HERC6: variants seen among roughly 807,000 people sequenced by gnomAD.
HERC6 encodes the protein probable E3 ubiquitin-protein ligase HERC6.
HERC6 carries 101 observed loss-of-function variants against 114.5 expected under a neutral mutation model. That is an observed-to-expected ratio of 0.88 (90% CI 0.75 to 1.04). HERC6 has a LOEUF of 1.04. Among genes scored for constraint, HERC6 ranks in the 50% least tolerant of loss-of-function variants. The pLI, the probability that HERC6 is intolerant of heterozygous loss-of-function variation, is 0.00. For synonymous variants in HERC6, 408 were observed against 436.2 expected, an observed-to-expected ratio of 0.94 and a Z score of 0.81; for missense variants, 1,133 against 1,230.9, an observed-to-expected ratio of 0.92 and a Z score of 1.19.
Position 88,413,180 on chromosome 4 carries a change from T to C in HERC6, c.1472T>C (p.Met491Thr). The C allele has an allele frequency of 6.2e-7, 1 of 1,613,564 alleles. No homozygotes were observed. Among genetic ancestry groups the C allele is most frequent in the South Asian group, 1.1e-5 (1 of 91,054 alleles). Reference sequence around the variant, plus strand: ...CTCCTGCTCCCAGAATGTCCTGTGATGCATGATTCTAAGAACTGGAAGAAC... The same window carrying C: ...CTCCTGCTCCCAGAATGTCCTGTGACGCATGATTCTAAGAACTGGAAGAAC... ...VFLLLPECPVMHDSKNWKNLV... is the reference protein window; with the variant it reads ...VFLLLPECPVTHDSKNWKNLV... Residue 491 changes from methionine (M) to threonine (T), a missense_variant, in exon 12 of 23, where the codon ATG (methionine) becomes ACG (threonine). Met to Thr is a moderately conservative substitution (Grantham distance 81). This residue lies in a region of HERC6 where 735 missense variants were observed against 754.0 expected (regional missense o/e 0.97). Transcript: ENST00000264346.
chr4:88,428,620 T>C lies in HERC6; in HGVS notation c.1976T>C (p.Ile659Thr). Residue 659 changes from isoleucine to threonine, a missense_variant, in exon 16 of 23, where the codon ATT (isoleucine) becomes ACT (threonine). Ile to Thr is a moderately conservative substitution (Grantham distance 89, BLOSUM62 -1). Around this residue, in one of 3 missense-constraint regions of HERC6, gnomAD observed 388 missense variants for 445.9 expected, o/e 0.87. Transcript: ENST00000264346. ...KKAYMLMHET[I>T]LQKKDEFPPS... ...GCATACATGCTTATGCATGAAACAATTCTGCAAAAAAAGGATGAATTTCCT... is the reference window on the plus strand; with the variant it reads ...GCATACATGCTTATGCATGAAACAACTCTGCAAAAAAAGGATGAATTTCCT... 1 of 1,608,704 alleles carries C rather than the reference T, an allele frequency of 6.2e-7. No homozygotes were observed. The highest frequency in any genetic ancestry group is 8.5e-7 in the Non-Finnish European group (1 of 1,178,050).
At chr4:88,437,935 T>A (rs1027353435) in intron 20 of HERC6, among the ~76,000 whole-genome samples, 154 bp downstream of exon 20, 3 of 152,142 alleles carry the variant, frequency 2.0e-5, no homozygotes, top group Admixed American at 6.5e-5. Context: ...GGTCAGGAGT[T>A]CAAGGCCAAC....
chr4:88,430,603 A>AATAC (rs1200607723), intron 16 of HERC6, among the ~76,000 whole-genome samples: 1 of 151,650 alleles, frequency 6.6e-6, no homozygotes, highest in Non-Finnish European at 1.5e-5. Context: ...TAAATAAATA[A>AATAC]ATAAATAAAA....
intron 6 of HERC6, 89 bp from the exon 7 acceptor site, chr4:88,396,762 G>T: frequency 8.0e-7 from 1 of 1,253,216 alleles, no homozygotes; most frequent in Admixed American, 2.8e-5. Context: ...TGGGCTTTTT[G>T]TGTTTGTTAT....
intron 13 of HERC6, among the ~76,000 whole-genome samples, chr4:88,420,765 C>G (rs1338386406): frequency 6.6e-6 from 1 of 152,022 alleles, no homozygotes; most frequent in Non-Finnish European, 1.5e-5. Context: ...GACCTTGTCT[C>G]TATTTTTTTA....
intron 1 of HERC6, among the ~76,000 whole-genome samples, chr4:88,382,877 G>A (rs1734389324): frequency 6.6e-6 from 1 of 152,152 alleles, no homozygotes; most frequent in Non-Finnish European, 1.5e-5. Context: ...GGTGGTTTCT[G>A]ATTGGTTAAC....
At chr4:88,428,825 C>T in intron 16 of HERC6, 75 bp downstream of exon 16, 6 of 1,233,598 alleles carry the variant, frequency 4.9e-6, no homozygotes, top group Non-Finnish European at 6.5e-6. Context: ...CAAATGCTCT[C>T]TGAAAAGAGC....
Position 88,390,861 on chromosome 4 carries a change from A to C in HERC6, c.646A>C (p.Ser216Arg). 1.7e-5 allele frequency: 28 copies of C among 1,613,242 alleles called. No homozygotes were observed. Among genetic ancestry groups the C allele is most frequent in the Non-Finnish European group, 2.4e-5 (28 of 1,179,370 alleles). The change falls in exon 4 of 23, where the codon AGT becomes CGT. Residue 216 changes from serine to arginine, a missense_variant. Physicochemically the swap from Ser to Arg is moderately radical, Grantham distance 110. This residue lies in a region of HERC6 where 735 missense variants were observed against 754.0 expected (regional missense o/e 0.97). Transcript: ENST00000264346. ...TAACAGTGCCGGGCAGCTGGCCCTCAGTGGGCGTAATGTCCCAGGTAAGGA... is the reference window on the plus strand; with the variant it reads ...TAACAGTGCCGGGCAGCTGGCCCTCCGTGGGCGTAATGTCCCAGGTAAGGA... ...GSNSAGQLAL[S>R]GRNVPVQSNK...
chr4:88,407,022 G>T (rs1365672603), intron 10 of HERC6, among the ~76,000 whole-genome samples: 2 of 152,002 alleles, frequency 1.3e-5, no homozygotes, highest in Non-Finnish European at 2.9e-5. Context: ...GCCTCCCAAA[G>T]TGCTGGGATT....
intron 5 of HERC6, among the ~76,000 whole-genome samples, chr4:88,394,703 C>T (rs1164707943): frequency 6.6e-6 from 1 of 151,422 alleles, no homozygotes; most frequent in African/African-American, 2.4e-5. Flanking sequence ...TGCCACCACG[C>T]CTGGCTAATT....
chr4:88,379,100 C>T lies in HERC6; in HGVS notation c.179C>T (p.Ala60Val), dbSNP rs1408664628. 4.5e-5 allele frequency: 70 copies of T among 1,543,886 alleles called. No homozygotes were observed. Among genetic ancestry groups the T allele is most frequent in the Non-Finnish European group, 6.0e-5 (69 of 1,146,250 alleles). Reference protein sequence around the residue: ...NSRGQLGRRGAQRGELPEPIQ... With the variant: ...NSRGQLGRRGVQRGELPEPIQ... ...AGGGGTCAGCTGGGCCGCAGGGGCG[C>T]GCAGCGCGGGGAGCTGCCAGGTGAG... Residue 60 changes from alanine (A) to valine (V), a missense_variant, in exon 1 of 23, where the codon GCG becomes GTG. Ala to Val is a moderately conservative substitution (Grantham distance 64, BLOSUM62 0). This residue lies in a region of HERC6 where 735 missense variants were observed against 754.0 expected (regional missense o/e 0.97). Coordinates refer to ENST00000264346, the MANE Select transcript of HERC6 (RefSeq NM_017912.4).
chr4:88,405,112 ATTCTCTTCTACAGCCTCTTAG>A, intron 9 of HERC6, 115 bp downstream of exon 9: 1 of 1,302,266 alleles, frequency 7.7e-7, no homozygotes. Flanking sequence ...TTTGACCATG[ATTCTCTTCTACAGCCTCTTAG>A]TGTGACTAGG....
chr4:88,412,095 G>A (rs1736136867), intron 11 of HERC6, among the ~76,000 whole-genome samples: 1 of 152,098 alleles, frequency 6.6e-6, no homozygotes, highest in African/African-American at 2.4e-5. Flanking sequence ...GAGTAACGCT[G>A]ACTTCCTCTG....
chr4:88,424,476 C>T (rs1016884372), intron 14 of HERC6, 119 bp from the exon 15 acceptor site: 4 of 770,422 alleles, frequency 5.2e-6, no homozygotes, highest in Non-Finnish European at 8.6e-6. Flanking sequence ...AAGACTCTGC[C>T]TTAAAAAAAC....
intron 1 of HERC6, among the ~76,000 whole-genome samples, chr4:88,382,417 C>T (rs1734370087): frequency 6.6e-6 from 1 of 152,088 alleles, no homozygotes; most frequent in East Asian, 1.9e-4. Context: ...GGCTCCCTTC[C>T]AATTTCCTTC....
At chr4:88,439,807 T>TA (rs1739145224) in intron 20 of HERC6, 67 bp from the exon 21 acceptor site, 2 of 1,338,642 alleles carry the variant, frequency 1.5e-6, no homozygotes, top group Admixed American at 6.4e-5. Flanking sequence ...GAACAAAGTA[T>TA]AAAATCTTTT....
rs928340436 is a variant in HERC6 at position 88,440,052 on chromosome 4, G to C, written c.2734G>C (p.Glu912Gln). Residue 912 changes from glutamate (E) to glutamine (Q), a missense_variant, in exon 21 of 23, where the codon GAA becomes CAA. This residue lies in a region of HERC6 where 388 missense variants were observed against 445.9 expected (regional missense o/e 0.87). Coordinates refer to ENST00000264346, the MANE Select transcript of HERC6 (RefSeq NM_017912.4). ...TACTGATTATGACTGGAAACAGTTTGAACAGGTAGGTGATACCTAAAGTGC... is the reference window on the plus strand; with the variant it reads ...TACTGATTATGACTGGAAACAGTTTCAACAGGTAGGTGATACCTAAAGTGC... ...GNTDYDWKQF[E>Q]QNSKYEQGYQ... is the part of the protein sequence containing the mutation. 1 of 1,610,304 alleles carries C rather than the reference G, an allele frequency of 6.2e-7. No individual in the cohort carries two copies. The highest frequency in any genetic ancestry group is 8.5e-7 in the Non-Finnish European group (1 of 1,178,818).
chr4:88,401,423 C>T (rs1345214534), intron 8 of HERC6, among the ~76,000 whole-genome samples: 1 of 146,034 alleles, frequency 6.8e-6, no homozygotes, highest in Non-Finnish European at 1.5e-5. Flanking sequence ...ACCTGGGAGG[C>T]GAAGGTTGCA....
At chr4:88,403,123 C>T (rs1735631241) in intron 8 of HERC6, among the ~76,000 whole-genome samples, 1 of 152,096 alleles carries the variant, frequency 6.6e-6, no homozygotes, top group East Asian at 1.9e-4. Context: ...TTTTGAAACC[C>T]CTGTTTGGGC....
Sources: allele counts gnomAD v4.1 joint callset (sites outside exome capture counted in the v4.1 genomes callset), GRCh38; gene constraint gnomAD v4.1.1; regional missense constraint gnomAD v4.1.1; transcripts MANE v1.5; gene names NCBI Gene and HGNC (gene_info 2026-07-23, HGNC 2026-07-21).